The following THUMPD2 variants were observed in gnomAD, a reference collection of about 807,000 sequenced individuals.
THUMPD2 encodes U6 snRNA (guanine-N(2))-methyltransferase THUMPD2.
THUMPD2 carries 56 observed loss-of-function variants against 49.4 expected under a neutral mutation model. The observed-to-expected ratio is 1.13, with a 90% CI of 0.91 to 1.41. THUMPD2 has a LOEUF of 1.41. Ranked by LOEUF, THUMPD2 falls within the 40% of genes most tolerant of loss-of-function variation. The pLI is 0.00. For missense variants in THUMPD2, 709 were observed against 594.5 expected, an observed-to-expected ratio of 1.19 and a Z score of -2.00; for synonymous variants, 237 against 205.2, an observed-to-expected ratio of 1.15 and a Z score of -1.32.
At chr2:39,760,046 C>T (rs566763547) in intron 6 of THUMPD2, among the ~76,000 whole-genome samples, 24 of 152,248 alleles carry the variant, frequency 1.6e-4, no homozygotes, top group African/African-American at 4.3e-4. Context: ...GTGTGTATTA[C>T]GTGGAATTCT....
intron 5 of THUMPD2, among the ~76,000 whole-genome samples, chr2:39,762,212 G>C (rs969022375): frequency 2.0e-5 from 3 of 152,122 alleles, no homozygotes; most frequent in African/African-American, 7.2e-5. Flanking sequence ...TCAAGAATTT[G>C]TGTGGGTTTG....
At position 39,779,174 on chromosome 2, in the gene THUMPD2, C is replaced by T. The variant is rs1395615069; in HGVS notation, c.66G>A (p.Ala22=). 4.9e-5 allele frequency: 74 copies of T among 1,520,842 alleles called. No individual in the cohort carries two copies. The highest frequency in any genetic ancestry group is 6.3e-5 in the Non-Finnish European group (72 of 1,139,716). 94.2% of individuals were successfully genotyped at this position (1,520,842 alleles called of 1,614,324 possible). A position where few individuals can be genotyped will look rare whatever the true frequency, so the allele number is the denominator to read the frequency against. The part of the protein sequence containing the change: ...PEAGARFFCT[A]GRGLEPFVMR... Reference sequence around the variant, plus strand: ...TTACGAACGGCTCCAGGCCGCGACCCGCAGTGCAGAAGAATCGGGCGCCAG... The same window carrying T: ...TTACGAACGGCTCCAGGCCGCGACCTGCAGTGCAGAAGAATCGGGCGCCAG... Residue 22 remains alanine, a synonymous_variant, in exon 1 of 10, where the codon GCG becomes GCA. Coordinates refer to ENST00000505747, the MANE Select transcript of THUMPD2 (RefSeq NM_025264.5).
intron 8 of THUMPD2, among the ~76,000 whole-genome samples, chr2:39,748,526 C>A (rs1674909488): frequency 6.6e-6 from 1 of 151,994 alleles, no homozygotes; most frequent in Middle Eastern, 3.4e-3. Context: ...CATGGTGAAA[C>A]CCCATACAAA....
At chr2:39,772,021 T>C (rs968421987) in intron 1 of THUMPD2, among the ~76,000 whole-genome samples, 2 of 152,118 alleles carry the variant, frequency 1.3e-5, no homozygotes, top group Non-Finnish European at 2.9e-5. Flanking sequence ...AGACAATAAC[T>C]TGAATTAAAT....
chr2:39,760,707 G>A (rs955784159), intron 6 of THUMPD2, among the ~76,000 whole-genome samples: 1 of 152,030 alleles, frequency 6.6e-6, no homozygotes, highest in Non-Finnish European at 1.5e-5. Flanking sequence ...GAAAATATTA[G>A]TAAGACAGTG....
intron 2 of THUMPD2, 33 bp from the exon 3 acceptor site, chr2:39,770,152 G>C: frequency 7.1e-7 from 1 of 1,410,046 alleles, no homozygotes; most frequent in Non-Finnish European, 9.3e-7. Context: ...ATCCTCTATT[G>C]AAGCTTTAAA....
At position 39,761,407 on chromosome 2, in the gene THUMPD2, G is replaced by T; in HGVS notation, c.815C>A (p.Ala272Asp). The T allele has an allele frequency of 3.7e-6, 6 of 1,613,602 alleles. No homozygotes were observed. The highest frequency in any genetic ancestry group is 5.1e-6 in the Non-Finnish European group (6 of 1,179,644). ...VGIPVFRVSL[A>D]SRAYIKTAGL... Reference sequence around the variant, plus strand: ...AGCTGTCTTGATGTAAGCTCTGCTGGCTAGGGAAACCCTACAAAGGATAGA... The same window carrying T: ...AGCTGTCTTGATGTAAGCTCTGCTGTCTAGGGAAACCCTACAAAGGATAGA... The change falls in exon 6 of 10, where the codon GCC becomes GAC. Residue 272 changes from alanine to aspartate, a missense_variant. Ala to Asp is a moderately radical substitution (Grantham distance 126). Transcript: ENST00000505747.
intron 8 of THUMPD2, among the ~76,000 whole-genome samples, chr2:39,745,101 C>G (rs1248846311): frequency 6.6e-6 from 1 of 152,078 alleles, no homozygotes; most frequent in Non-Finnish European, 1.5e-5. Flanking sequence ...TACACTCTAC[C>G]CTAACATCCA....
chr2:39,767,603 C>CAAAAAA (rs57906396), intron 4 of THUMPD2, among the ~76,000 whole-genome samples: 30,866 of 66,686 alleles, frequency 0.46, 6,833 homozygotes, highest in East Asian at 0.7. Context: ...GACTCCGTCT[C>CAAAAAA]AAAAAAAAAA....
chr2:39,754,945 A>G (rs1172154196), intron 8 of THUMPD2, among the ~76,000 whole-genome samples: 1 of 152,256 alleles, frequency 6.6e-6, no homozygotes, highest in Non-Finnish European at 1.5e-5. Flanking sequence ...TATTCAAAAG[A>G]AATTCAAAGA....
Position 39,770,093 on chromosome 2 carries a change from G to C in THUMPD2, c.289C>G (p.Leu97Val). 1.3e-6 allele frequency: 2 copies of C among 1,511,212 alleles called. No individual in the cohort carries two copies. Among genetic ancestry groups the C allele is most frequent in the South Asian group, 2.8e-5 (2 of 72,160 alleles). The allele number at this position is 1,511,212 out of a possible 1,614,324, so 93.6% of individuals were successfully genotyped here. A position where few individuals can be genotyped will look rare whatever the true frequency, so the allele number is the denominator to read the frequency against. Reference protein sequence around the residue: ...KGKIFNEMQRLINEDPGSWLN... With the variant: ...KGKIFNEMQRVINEDPGSWLN... ...CAACTTCCTGGATCTTCATTTATAA[G>C]TCTTTGCATTTCATTAAATATTTTT... is the stretch of plus-strand genomic sequence containing the variant. The change falls in exon 3 of 10, where the codon CTT (leucine) becomes GTT (valine). Residue 97 changes from leucine to valine, a missense_variant. Coordinates refer to ENST00000505747, the MANE Select transcript of THUMPD2 (RefSeq NM_025264.5).
intron 8 of THUMPD2, among the ~76,000 whole-genome samples, chr2:39,745,017 G>C (rs1261232394): frequency 2.0e-5 from 3 of 152,084 alleles, no homozygotes; most frequent in African/African-American, 7.2e-5. Context: ...AAAAATTATT[G>C]TGTCTGATTA....
At chr2:39,771,810 C>T (rs1048321857) in intron 1 of THUMPD2, among the ~76,000 whole-genome samples, 170 bp from the exon 2 acceptor site, 1 of 152,104 alleles carries the variant, frequency 6.6e-6, no homozygotes, top group Non-Finnish European at 1.5e-5. Context: ...CCTCCTTATC[C>T]TTATAACCAC....
intron 3 of THUMPD2, chr2:39,769,187 G>A: frequency 1.1e-6 from 1 of 949,668 alleles, no homozygotes; most frequent in Non-Finnish European, 1.4e-6. Flanking sequence ...AAATACAAAG[G>A]ACATCTGTAG....
Position 39,769,997 on chromosome 2 carries a change from C to G in THUMPD2, c.385G>C (p.Asp129His), listed in dbSNP as rs778426483. The G allele has an allele frequency of 1.3e-6, 2 of 1,575,994 alleles. No individual in the cohort carries two copies. The highest frequency in any genetic ancestry group is 2.8e-5 in the African/African-American group (2 of 72,202). The change falls in exon 3 of 10, where the codon GAT becomes CAT. Residue 129 changes from aspartate (D) to histidine (H), a missense_variant. Transcript: ENST00000505747. Reference protein sequence around the residue: ...DAKKEKLSQRDDNQLKRKVGE... With the variant: ...DAKKEKLSQRHDNQLKRKVGE... ...ACTTTTCTTTTTAGTTGGTTATCAT[C>G]TCTCTGAGAAAGTTTTTCCTTTTTT...
chr2:39,770,024 C>A lies in THUMPD2; in HGVS notation c.358G>T (p.Ala120Ser). 6.3e-7 allele frequency: 1 copy of A among 1,576,328 alleles called. No homozygotes were observed. The highest frequency in any genetic ancestry group is 8.5e-7 in the Non-Finnish European group (1 of 1,169,894). ...CTCTGAGAAAGTTTTTCCTTTTTTG[C>A]ATCAAGTTCAAGAAGATTTTTCCAA... ...SIWKNLLELD[A>S]KKEKLSQRDD... The change falls in exon 3 of 10, where the codon GCA becomes TCA. Residue 120 changes from alanine (A) to serine (S), a missense_variant. Coordinates refer to ENST00000505747, the MANE Select transcript of THUMPD2 (RefSeq NM_025264.5).
chr2:39,767,832 CAAGT>C (rs536956024), intron 4 of THUMPD2, among the ~76,000 whole-genome samples: 94 of 152,016 alleles, frequency 6.2e-4, no homozygotes, highest in Non-Finnish European at 1.0e-3. Context: ...ACCTACATAA[CAAGT>C]AATAAATAAA....
At chr2:39,739,721 A>C (rs1673652292) in intron 9 of THUMPD2, among the ~76,000 whole-genome samples, 1 of 152,220 alleles carries the variant, frequency 6.6e-6, no homozygotes, top group Non-Finnish European at 1.5e-5. Flanking sequence ...AGTAGGCAGA[A>C]GATAAAAATG....
At chr2:39,761,554 A>G in intron 5 of THUMPD2, 136 bp from the exon 6 acceptor site, 1 of 798,352 alleles carries the variant, frequency 1.3e-6, no homozygotes, top group Non-Finnish European at 1.9e-6. Flanking sequence ...AAGTTAGACA[A>G]TGTTTCAGTC....
Sources: gnomAD v4.1 joint callset for allele counts (sites outside exome capture counted in the v4.1 genomes callset) on GRCh38, gnomAD v4.1.1 for gene constraint, MANE v1.5 for transcripts, NCBI Gene and HGNC (gene_info 2026-07-23, HGNC 2026-07-21) for gene names.